The following PDSS1 variants were observed in gnomAD, a reference collection of about 807,000 sequenced individuals.
PDSS1 encodes all trans-polyprenyl-diphosphate synthase PDSS1.
A neutral mutation model predicts 57.5 loss-of-function variants in PDSS1; 43 were observed. That is an observed-to-expected ratio of 0.75 (90% CI 0.59 to 0.96). The LOEUF is 0.96. Ranked by LOEUF, PDSS1 falls within the 50% of genes least tolerant of loss-of-function variation. The pLI is 0.00. For missense variants in PDSS1, 438 were observed against 527.8 expected (o/e 0.83, Z 1.67); for synonymous variants, 175 against 191.3 (o/e 0.91, Z 0.70).
intron 10 of PDSS1, among the ~76,000 whole-genome samples, chr10:26,740,126 A>G (rs1256882435): frequency 6.9e-6 from 1 of 145,322 alleles, no homozygotes; most frequent in Non-Finnish European, 1.5e-5. Context: ...TGGATGACAG[A>G]GCGAAACTCC....
chr10:26,743,567 G>A (rs1836703091), intron 11 of PDSS1, among the ~76,000 whole-genome samples: 1 of 152,178 alleles, frequency 6.6e-6, no homozygotes, highest in Admixed American at 6.5e-5. Flanking sequence ...AGCTGGAGCT[G>A]ATAAAGAAGT....
At chr10:26,720,411 C>T (rs749651097) in intron 6 of PDSS1, 52 bp downstream of exon 6, 18 of 1,156,878 alleles carry the variant, frequency 1.6e-5, no homozygotes, top group South Asian at 3.7e-5. Flanking sequence ...ACACACTTTT[C>T]GGACCGCATT....
At chr10:26,703,116 C>T (rs1047728696) in intron 2 of PDSS1, among the ~76,000 whole-genome samples, 1 of 152,210 alleles carries the variant, frequency 6.6e-6, no homozygotes, top group African/African-American at 2.4e-5. Flanking sequence ...CCACCTCTCT[C>T]CATGAGTAGG....
rs1835864531 is a variant in PDSS1, at chr10:26,723,853, G to A, written c.657G>A (p.Leu219=). The A allele has an allele frequency of 6.2e-7, 1 of 1,613,540 alleles. No individual in the cohort carries two copies. The highest frequency in any genetic ancestry group is 8.5e-7 in the Non-Finnish European group (1 of 1,179,602). The change falls in exon 7 of 12, where the codon CTG becomes CTA. Residue 219 remains leucine, a synonymous_variant. Transcript: ENST00000376215. ...TTCTTTCTGCAGCATCTATAGCTCT[G>A]GCACGAATTGGAAATACAACTGTTA... is the stretch of plus-strand genomic sequence containing the variant. ...DLILSAASIA[L]ARIGNTTVIS...
At chr10:26,716,147 G>A (rs998321841) in intron 5 of PDSS1, among the ~76,000 whole-genome samples, 1 of 152,188 alleles carries the variant, frequency 6.6e-6, no homozygotes, top group Non-Finnish European at 1.5e-5. Context: ...TGGCTGGGGA[G>A]GATGGCCTAG....
intron 10 of PDSS1, chr10:26,740,590 C>G (rs942674092): frequency 5.1e-5 from 23 of 452,882 alleles, no homozygotes; most frequent in South Asian, 1.2e-4. Context: ...ATTTTTTCTT[C>G]TAGGATTACT....
chr10:26,704,083 C>CA (rs1203931422), intron 2 of PDSS1, among the ~76,000 whole-genome samples: 1,738 of 31,078 alleles, frequency 0.056, 265 homozygotes, highest in African/African-American at 0.13. Flanking sequence ...CTCCGTCTCA[C>CA]AAAAAAAAAA....
chr10:26,725,665 G>C (rs572975287), intron 8 of PDSS1, among the ~76,000 whole-genome samples: 4 of 152,188 alleles, frequency 2.6e-5, no homozygotes, highest in African/African-American at 9.6e-5. Context: ...CTGAAGGTCA[G>C]GATCCATCCT....
In PDSS1 at chr10:26,712,946, G is replaced by A. The variant is rs150688633; in HGVS notation, c.467+3178G>A. On this transcript the variant is annotated intron_variant, in intron 5 of 11. Transcript: ENST00000376215. ...ATGGCTCTTAGGAGGCTTATCAGAT[G>A]CTGTGTTTTTTTGTTTTTTTGTTTT... Among the ~76,000 whole-genome samples, 369 of 97,012 alleles carry A rather than the reference G, an allele frequency of 3.8e-3. 92 individuals carry two copies. Among genetic ancestry groups the A allele is most frequent in the African/African-American group, 0.011 (339 of 29,926 alleles). 63.6% of individuals were successfully genotyped at this position (97,012 alleles called of 152,430 possible).
intron 10 of PDSS1, among the ~76,000 whole-genome samples, chr10:26,739,180 G>A (rs756828230): frequency 3.3e-5 from 5 of 152,292 alleles, no homozygotes; most frequent in African/African-American, 4.8e-5. Flanking sequence ...ACTAGTTGGT[G>A]CCTTAGTGTT....
chr10:26,711,863 A>G (rs1161713968), intron 5 of PDSS1, among the ~76,000 whole-genome samples: 1 of 97,168 alleles, frequency 1.0e-5, no homozygotes, highest in African/African-American at 3.4e-5. Context: ...GAATGTGTTT[A>G]TATTTTTAAT....
intron 6 of PDSS1, among the ~76,000 whole-genome samples, chr10:26,721,868 T>G (rs1215578005): frequency 6.6e-6 from 1 of 152,204 alleles, no homozygotes; most frequent in East Asian, 1.9e-4. Flanking sequence ...CCTGCCTCTT[T>G]CAGTTCTGAC....
chr10:26,711,105 G>A (rs1424919805), intron 5 of PDSS1, among the ~76,000 whole-genome samples: 1 of 97,204 alleles, frequency 1.0e-5, no homozygotes, highest in African/African-American at 3.3e-5. Flanking sequence ...TTTTCTGGAC[G>A]TGTCAAGTCT....
At position 26,735,144 on chromosome 10, in the gene PDSS1, C is replaced by T. The variant is rs148240771; in HGVS notation, c.832-96C>T. 72 of 843,208 alleles carry T rather than the reference C, an allele frequency of 8.5e-5. No individual in the cohort carries two copies. In the East Asian group the frequency reaches 1.4e-3, roughly 16 times the overall value. The allele number at this position is 843,208 out of a possible 1,614,324, so 52.2% of individuals were successfully genotyped here. ...CTCCTGAGTGTGTATAATCTAGCCCCGCTGCCTCCTATTTTAAGGAATTCC... is the reference window on the plus strand; with the variant it reads ...CTCCTGAGTGTGTATAATCTAGCCCTGCTGCCTCCTATTTTAAGGAATTCC... On this transcript the variant is annotated intron_variant, in intron 8 of 11. Coordinates refer to ENST00000376215, the MANE Select transcript of PDSS1 (RefSeq NM_014317.5).
chr10:26,700,401 C>T (rs1257915481), intron 1 of PDSS1, among the ~76,000 whole-genome samples: 2 of 152,042 alleles, frequency 1.3e-5, no homozygotes, highest in African/African-American at 2.4e-5. Context: ...CTCAGGAGTT[C>T]GAGACCAGCC....
rs908916814 is a variant in PDSS1 at position 26,740,180 on chromosome 10, G to A, written c.1027-2317G>A. ...AAAAATTAAAAAATTAGCCAGGTGC[G>A]TGCCTGTAGTCCCAGCTACTCGGGA... On this transcript the variant is annotated intron_variant, in intron 10 of 11. Coordinates refer to ENST00000376215, the MANE Select transcript of PDSS1 (RefSeq NM_014317.5). Among the ~76,000 whole-genome samples the A allele has an allele frequency of 2.0e-5, 3 of 151,446 alleles. No homozygotes were observed. The East Asian group carries it at 5.8e-4, about 29-fold the overall frequency.
At chr10:26,709,823 C>G (rs1298492158) in intron 5 of PDSS1, 55 bp downstream of exon 5, 2 of 1,568,554 alleles carry the variant, frequency 1.3e-6, no homozygotes, top group African/African-American at 2.7e-5. Flanking sequence ...GTCTTTCTTC[C>G]CGGGGTTACT....
At chr10:26,730,711 A>G (rs1298194638) in intron 8 of PDSS1, among the ~76,000 whole-genome samples, 1 of 151,710 alleles carries the variant, frequency 6.6e-6, no homozygotes. Flanking sequence ...TTCTTCCCCT[A>G]CCCCCTTGTA....
rs71403886 is a variant in PDSS1 at position 26,729,904 on chromosome 10, C to CTT, written c.832-5311_832-5310dup. ...GCATAAATGGGTTAATAGTTGGTTC[C>CTT]TTTTTTTTTTTTTTTTTTTTTTTTT... On this transcript the variant is annotated intron_variant, in intron 8 of 11. Transcript: ENST00000376215. Among the ~76,000 whole-genome samples the CTT allele has an allele frequency of 9.8e-3, 740 of 75,304 alleles. 50 individuals carry two copies. Among genetic ancestry groups the CTT allele is most frequent in the South Asian group, 0.016 (28 of 1,782 alleles). 49.4% of individuals were successfully genotyped at this position (75,304 alleles called of 152,430 possible). A position where few individuals can be genotyped will look rare whatever the true frequency, so the allele number is the denominator to read the frequency against.
Sources: gnomAD v4.1 joint callset for allele counts (sites outside exome capture counted in the v4.1 genomes callset) on GRCh38, gnomAD v4.1.1 for gene constraint, MANE v1.5 for transcripts, NCBI Gene and HGNC (gene_info 2026-07-23, HGNC 2026-07-21) for gene names.